MAPRE2: variants seen among roughly 807,000 people sequenced by gnomAD.
MAPRE2 encodes microtubule-associated protein RP/EB family member 2.
A neutral mutation model predicts 43.2 loss-of-function variants in MAPRE2; 13 were observed. The ratio of observed to expected loss-of-function variants is 0.30; its 90% CI spans 0.20 to 0.48. MAPRE2 has a LOEUF of 0.48. Among genes scored for constraint, MAPRE2 ranks in the 20% least tolerant of loss-of-function variants. MAPRE2 has a pLI of 0.99. For synonymous variants in MAPRE2, 135 were observed against 148.8 expected, an observed-to-expected ratio of 0.91 and a Z score of 0.68; for missense variants, 161 against 400.2, an observed-to-expected ratio of 0.40 and a Z score of 5.10.
At chr18:35,033,088 A>G (rs1324276773) in intron 2 of MAPRE2, among the ~76,000 whole-genome samples, 1 of 152,142 alleles carries the variant, frequency 6.6e-6, no homozygotes, top group Non-Finnish European at 1.5e-5. Flanking sequence ...AATATCCTTG[A>G]TGAACATTGA....
At chr18:35,036,869 C>T (rs569721524), upstream of MAPRE2, among the ~76,000 whole-genome samples, 3 of 152,278 alleles carry the variant, frequency 2.0e-5, no homozygotes, top group East Asian at 1.9e-4. Flanking sequence ...GCAGATAGAG[C>T]GGTGAACAAA....
At chr18:35,087,042 G>A (rs939132845) in intron 2 of MAPRE2, among the ~76,000 whole-genome samples, 1 of 152,026 alleles carries the variant, frequency 6.6e-6, no homozygotes, top group Non-Finnish European at 1.5e-5. Context: ...ATTGTCTTAG[G>A]CTTTTCATGA....
chr18:34,985,447 A>T (rs1181274537), intron 1 of MAPRE2, among the ~76,000 whole-genome samples: 1 of 51,838 alleles, frequency 1.9e-5, no homozygotes, highest in African/African-American at 8.7e-5. Context: ...TATTATATTT[A>T]TATAACTATA....
At position 35,124,331 on chromosome 18, in the gene MAPRE2, G is replaced by A. The variant is rs116501372; in HGVS notation, c.611-2617G>A. ...TCAATATCACAAGAACAACATGGAGGTAACCGCCCCCCATGCTTCAATTAC... is the reference window on the plus strand; with the variant it reads ...TCAATATCACAAGAACAACATGGAGATAACCGCCCCCCATGCTTCAATTAC... On this transcript the variant is annotated intron_variant, in intron 4 of 6. Coordinates refer to ENST00000300249, the MANE Select transcript of MAPRE2 (RefSeq NM_014268.4). 6.6e-3 allele frequency among the ~76,000 whole-genome samples: 1,000 copies of A among 152,228 alleles called. 12 individuals carry two copies. The highest frequency in any genetic ancestry group is 0.023 in the African/African-American group (935 of 41,536).
At chr18:35,030,128 TC>T (rs1326743209) in intron 2 of MAPRE2, among the ~76,000 whole-genome samples, 2 of 152,060 alleles carry the variant, frequency 1.3e-5, no homozygotes, top group Non-Finnish European at 2.9e-5. Context: ...TCTTCCTCCT[TC>T]CCCCTCCCTT....
rs373448961 is a variant in MAPRE2, at chr18:35,031,384, C to A, written c.-8+25831C>A. On this transcript the variant is annotated intron_variant, in intron 2 of 7. Transcript: ENST00000413393. ...TTTTCTATATTCCTAATACTTAATA[C>A]ACTTTTCATTATAACTTTTATCACA... Among the ~76,000 whole-genome samples, 119 of 152,320 alleles carry A rather than the reference C, an allele frequency of 7.8e-4. 1 individual carries two copies. The highest frequency in any genetic ancestry group is 2.7e-3 in the African/African-American group (114 of 41,578).
chr18:35,025,028 G>A (rs890942133), intron 2 of MAPRE2, among the ~76,000 whole-genome samples: 1 of 152,192 alleles, frequency 6.6e-6, no homozygotes, highest in African/African-American at 2.4e-5. Context: ...ACCTTGATTA[G>A]TACTAGCAAA....
upstream of MAPRE2, among the ~76,000 whole-genome samples, chr18:35,037,482 C>T (rs1174172435): frequency 6.6e-6 from 1 of 152,156 alleles, no homozygotes; most frequent in Non-Finnish European, 1.5e-5. Flanking sequence ...CCCCAGGCCC[C>T]CTCTTTAATG....
At chr18:35,087,727 A>C (rs942474196) in intron 2 of MAPRE2, among the ~76,000 whole-genome samples, 6 of 152,244 alleles carry the variant, frequency 3.9e-5, no homozygotes, top group Non-Finnish European at 8.8e-5. Flanking sequence ...CAAATAAGGC[A>C]CAAGTATTCT....
chr18:35,116,433 G>C (rs1252868412), intron 4 of MAPRE2, among the ~76,000 whole-genome samples: 2 of 152,162 alleles, frequency 1.3e-5, no homozygotes, highest in African/African-American at 4.8e-5. Context: ...GTAAAGTCCA[G>C]GCACAACTTA....
intron 2 of MAPRE2, among the ~76,000 whole-genome samples, chr18:35,086,022 G>T (rs1907859144): frequency 6.6e-6 from 1 of 152,134 alleles, no homozygotes; most frequent in Non-Finnish European, 1.5e-5. Flanking sequence ...AGGTTGTTGT[G>T]CTTTTCTTCT....
intron 4 of MAPRE2, among the ~76,000 whole-genome samples, chr18:35,119,399 T>C (rs559314336): frequency 7.3e-4 from 111 of 152,350 alleles, no homozygotes; most frequent in Non-Finnish European, 1.3e-3. Flanking sequence ...ATAGCACTTA[T>C]TTTCTAGTTT....
chr18:35,110,445 A>G (rs917576737), intron 4 of MAPRE2, among the ~76,000 whole-genome samples: 7 of 152,146 alleles, frequency 4.6e-5, no homozygotes, highest in Non-Finnish European at 8.8e-5. Flanking sequence ...TGTGGTTCAC[A>G]TATTTCTATT....
At chr18:35,023,770 A>T (rs2097043396) in intron 2 of MAPRE2, among the ~76,000 whole-genome samples, 1 of 152,054 alleles carries the variant, frequency 6.6e-6, no homozygotes, top group Non-Finnish European at 1.5e-5. Context: ...ATATTTTTAG[A>T]TTCATTAAAG....
chr18:35,110,768 A>G (rs538131087), intron 4 of MAPRE2, among the ~76,000 whole-genome samples: 151 of 152,244 alleles, frequency 9.9e-4, no homozygotes, highest in African/African-American at 3.5e-3. Context: ...GCCTGTAAGC[A>G]CTTTAAAGAT....
chr18:35,050,535 G>C (rs1258340211), intron 1 of MAPRE2, among the ~76,000 whole-genome samples: 1 of 152,188 alleles, frequency 6.6e-6, no homozygotes, highest in African/African-American at 2.4e-5. Flanking sequence ...AGCCTGTTTA[G>C]TATGCTCTGT....
intron 4 of MAPRE2, among the ~76,000 whole-genome samples, chr18:35,102,569 T>C (rs9958932): frequency 0.022 from 3,320 of 152,278 alleles, 113 homozygotes; most frequent in African/African-American, 0.075. Flanking sequence ...GATCATCGTC[T>C]CTAACCCTTC....
intron 5 of MAPRE2, chr18:35,131,810 C>T (rs4799786): frequency 0.13 from 70,053 of 528,146 alleles, 5,614 homozygotes; most frequent in South Asian, 0.23. Flanking sequence ...AATAAACGCT[C>T]AGTTGCCTGA....
chr18:34,983,370 T>C (rs764373810), intron 1 of MAPRE2, among the ~76,000 whole-genome samples: 12 of 152,330 alleles, frequency 7.9e-5, no homozygotes, highest in Non-Finnish European at 1.6e-4. Context: ...TACTAACTAG[T>C]AACCGTTTCC....
Sources: gnomAD v4.1 joint callset for allele counts (sites outside exome capture counted in the v4.1 genomes callset) on GRCh38, gnomAD v4.1.1 for gene constraint, MANE v1.5 for transcripts, NCBI Gene and HGNC (gene_info 2026-07-23, HGNC 2026-07-21) for gene names.